The following PDXDC1 variants were observed in gnomAD, a reference collection of about 807,000 sequenced individuals.
The protein encoded by PDXDC1 is pyridoxal-dependent decarboxylase domain-containing protein 1.
A neutral mutation model predicts 100.1 loss-of-function variants in PDXDC1; 42 were observed. The observed-to-expected ratio is 0.42, with a 90% CI of 0.33 to 0.54. PDXDC1 has a LOEUF of 0.54. PDXDC1 is among the 20% of genes least tolerant of loss of function. The probability of loss-of-function intolerance (pLI) is 0.10; values close to 1 mark genes in which losing one functional copy is unlikely to be tolerated. For synonymous variants in PDXDC1, 260 were observed against 371.7 expected, an observed-to-expected ratio of 0.70 and a Z score of 3.46; for missense variants, 636 against 979.2, an observed-to-expected ratio of 0.65 and a Z score of 4.68.
intron 16 of PDXDC1, chr16:15,133,592 C>T: frequency 1.8e-6 from 2 of 1,136,968 alleles, no homozygotes; most frequent in South Asian, 2.5e-5. Flanking sequence ...GGCTCCGTAG[C>T]CGGAGAGGCT....
intron 16 of PDXDC1, chr16:15,092,560 T>C: frequency 6.2e-7 from 1 of 1,613,712 alleles, no homozygotes; most frequent in Non-Finnish European, 8.5e-7. Flanking sequence ...ACCGAACAGT[T>C]TTTCTTGGGG....
the PDXDC1 span, among the ~76,000 whole-genome samples, chr16:15,147,668 A>G: frequency 1.3e-5 from 2 of 152,160 alleles, no homozygotes; most frequent in African/African-American, 4.8e-5. Context: ...CTGAGACTAC[A>G]GGCATGCGCC....
chr16:15,144,566 G>A, the PDXDC1 span, among the ~76,000 whole-genome samples: 26 of 152,260 alleles, frequency 1.7e-4, no homozygotes, highest in Non-Finnish European at 3.1e-4. Context: ...GAGGTTCTCT[G>A]GGTCCCGGAC....
chr16:15,057,622 G>A (rs545344475), intron 16 of PDXDC1, among the ~76,000 whole-genome samples: 81 of 152,208 alleles, frequency 5.3e-4, no homozygotes, highest in Non-Finnish European at 1.0e-3. Context: ...TGAAACCAGG[G>A]TGATCAATGA....
At chr16:15,020,111 C>CAAAAAAAAAAA in intron 12 of PDXDC1, among the ~76,000 whole-genome samples, 2 of 90,618 alleles carry the variant, frequency 2.2e-5, no homozygotes, top group Non-Finnish European at 3.8e-5. Flanking sequence ...GGCTCCGTCT[C>CAAAAAAAAAAA]AAAAAAAAAA....
chr16:15,131,371 G>A lies in PDXDC1; in HGVS notation c.1400-7508G>A, dbSNP rs910945519. 6 of 1,586,978 alleles carry A rather than the reference G, an allele frequency of 3.8e-6. No individual in the cohort carries two copies. The African/African-American group carries it at 6.7e-5, about 18-fold the overall frequency. On this transcript the variant is annotated intron_variant, in intron 16 of 16. Transcript: ENST00000535621. ...GTTGCTGATATAGCCAAAGGGAAAG[G>A]GATTGGAGTCCACCAGAAAGATGAG...
At chr16:15,104,203 T>C in intron 16 of PDXDC1, 1 of 965,610 alleles carries the variant, frequency 1.0e-6, no homozygotes, top group East Asian at 2.8e-5. Context: ...ATATTTTACA[T>C]AACCAACCAC....
chr16:15,048,056 C>A, intron 16 of PDXDC1: 1 of 1,613,320 alleles, frequency 6.2e-7, no homozygotes, highest in Non-Finnish European at 8.5e-7. Context: ...GCCCTGGGGT[C>A]CCACTTGTTG....
At chr16:15,112,855 TGTCCAA>T (rs1245382229) in intron 16 of PDXDC1, among the ~76,000 whole-genome samples, 4 of 109,218 alleles carry the variant, frequency 3.7e-5, no homozygotes, top group African/African-American at 1.0e-4. Flanking sequence ...GGTACAAAGT[TGTCCAA>T]GTCCAACAGC....
At chr16:15,027,024 G>C (rs531045314) in intron 14 of PDXDC1, among the ~76,000 whole-genome samples, 1 of 136,000 alleles carries the variant, frequency 7.4e-6, no homozygotes, top group African/African-American at 2.6e-5. Context: ...GTTGTGCCCA[G>C]GAATCTGTAT....
rs765799590 is a variant in PDXDC1 at position 15,104,699 on chromosome 16, G to C, written c.1400-34180G>C. 3 of 1,597,578 alleles carry C rather than the reference G, an allele frequency of 1.9e-6. No homozygotes were observed. The South Asian group carries it at 3.3e-5, about 18-fold the overall frequency. ...TCCTGTTTTTTAAAGTTTCAGCTGT[G>C]AGGTAGGGCCAGCAGGGCAATCCTG... On this transcript the variant is annotated intron_variant, in intron 16 of 16. Transcript: ENST00000535621.
chr16:15,046,053 C>T (rs1382598362), intron 16 of PDXDC1: 1 of 152,324 alleles, frequency 6.6e-6, no homozygotes, highest in African/African-American at 2.4e-5. Flanking sequence ...CAAGCACGTT[C>T]TGAGAACCAC....
intron 16 of PDXDC1, among the ~76,000 whole-genome samples, chr16:15,066,212 G>A (rs1309032584): frequency 6.6e-6 from 1 of 152,164 alleles, no homozygotes; most frequent in East Asian, 1.9e-4. Flanking sequence ...CCACACTGGA[G>A]GGTGGTTTGC....
chr16:15,104,880 G>T, intron 16 of PDXDC1: 1 of 1,526,286 alleles, frequency 6.6e-7, no homozygotes. Flanking sequence ...CCATCCTCCA[G>T]GTTTCAAAAT....
intron 16 of PDXDC1, among the ~76,000 whole-genome samples, chr16:15,056,508 G>A (rs967569553): frequency 2.6e-5 from 4 of 152,220 alleles, no homozygotes; most frequent in Admixed American, 2.0e-4. Flanking sequence ...GGGCACGGTG[G>A]CTCACGCCTG....
At chr16:15,056,748 G>C (rs1406576216) in intron 16 of PDXDC1, among the ~76,000 whole-genome samples, 3 of 152,162 alleles carry the variant, frequency 2.0e-5, no homozygotes, top group Non-Finnish European at 4.4e-5. Flanking sequence ...AGCTATGTTT[G>C]GGCACTGCAG....
intron 16 of PDXDC1, chr16:15,068,202 G>A: frequency 6.3e-7 from 1 of 1,595,436 alleles, no homozygotes; most frequent in Non-Finnish European, 8.5e-7. Flanking sequence ...AACCACTGAG[G>A]GCAGGCAAAT....
intron 13 of PDXDC1, chr16:15,025,865 A>AG (rs1392250192): frequency 6.6e-6 from 1 of 152,452 alleles, no homozygotes; most frequent in East Asian, 1.9e-4. Flanking sequence ...GATGCAAAAC[A>AG]GGAACTCGCT....
chr16:15,041,955 G>A (rs1026366013), downstream of PDXDC1, among the ~76,000 whole-genome samples: 7 of 152,170 alleles, frequency 4.6e-5, no homozygotes, highest in Non-Finnish European at 8.8e-5. Flanking sequence ...AGAGTTTTGC[G>A]GGGACCCATG....
Sources: allele counts gnomAD v4.1 joint callset (sites outside exome capture counted in the v4.1 genomes callset), GRCh38; gene constraint gnomAD v4.1.1; transcripts MANE v1.5; gene names NCBI Gene and HGNC (gene_info 2026-07-23, HGNC 2026-07-21).